CEP128: variants seen among roughly 807,000 people sequenced by gnomAD.
CEP128 encodes the protein centrosomal protein 128.
In CEP128, 132 loss-of-function variants were observed where a neutral mutation model predicts 156.7. The observed-to-expected ratio is 0.84, with a 90% CI of 0.73 to 0.97. The LOEUF (loss-of-function observed/expected upper bound fraction) is 0.97, where lower values mean the gene tolerates loss of function less well. Ranked by LOEUF, CEP128 falls within the 50% of genes least tolerant of loss-of-function variation. CEP128 has a pLI of 0.00. For missense variants in CEP128, 1,252 were observed against 1,281.9 expected (o/e 0.98, Z 0.36); for synonymous variants, 469 against 448.9 (o/e 1.04, Z -0.57).
chr14:80,696,605 G>A (rs889562664), intron 19 of CEP128, among the ~76,000 whole-genome samples: 1 of 152,118 alleles, frequency 6.6e-6, no homozygotes, highest in African/African-American at 2.4e-5. Context: ...AAGCAGCCAT[G>A]GCTATCAAGT....
chr14:80,888,042 A>G (rs1010269007), intron 8 of CEP128, among the ~76,000 whole-genome samples: 1 of 152,216 alleles, frequency 6.6e-6, no homozygotes. Flanking sequence ...AAATGGATAA[A>G]TTCCTGGACA....
intron 9 of CEP128, among the ~76,000 whole-genome samples, chr14:80,848,296 T>C (rs1231424796): frequency 6.6e-6 from 1 of 152,080 alleles, no homozygotes; most frequent in East Asian, 1.9e-4. Flanking sequence ...GAGCAGGAGG[T>C]ACATGGTATA....
At chr14:80,568,198 C>T (rs1890997726) in intron 20 of CEP128, among the ~76,000 whole-genome samples, 1 of 152,094 alleles carries the variant, frequency 6.6e-6, no homozygotes, top group South Asian at 2.1e-4. Flanking sequence ...TCCTTTGTTT[C>T]CCCGAAGGGC....
chr14:80,580,771 T>G (rs966166904), intron 19 of CEP128, among the ~76,000 whole-genome samples: 7 of 152,066 alleles, frequency 4.6e-5, no homozygotes, highest in Non-Finnish European at 8.8e-5. Context: ...CAAAATTTCC[T>G]TTAGAAAAAA....
chr14:80,543,203 T>C (rs1484767511), intron 21 of CEP128, among the ~76,000 whole-genome samples: 2 of 152,242 alleles, frequency 1.3e-5, no homozygotes, highest in Admixed American at 6.5e-5. Context: ...ACTTTCATAA[T>C]TAATCCTTTT....
chr14:80,748,804 C>T (rs997580791), intron 18 of CEP128, among the ~76,000 whole-genome samples: 3 of 151,946 alleles, frequency 2.0e-5, no homozygotes, highest in African/African-American at 7.3e-5. Context: ...ACATGGGTAC[C>T]GACTCAAGCC....
At chr14:80,775,511 A>T (rs1900741324) in intron 16 of CEP128, among the ~76,000 whole-genome samples, 1 of 152,248 alleles carries the variant, frequency 6.6e-6, no homozygotes, top group Non-Finnish European at 1.5e-5. Context: ...ATGCCATTTT[A>T]GGATACAGAG....
chr14:80,631,634 G>A (rs888773618), intron 19 of CEP128, among the ~76,000 whole-genome samples: 9 of 151,992 alleles, frequency 5.9e-5, no homozygotes, highest in South Asian at 2.1e-4. Context: ...GTAACTGACC[G>A]ACAAAGCCTG....
chr14:80,711,571 TG>T (rs1490011992), intron 19 of CEP128, among the ~76,000 whole-genome samples: 1 of 151,980 alleles, frequency 6.6e-6, no homozygotes, highest in Non-Finnish European at 1.5e-5. Flanking sequence ...AAGAGCAGTG[TG>T]GGGGTTGCAG....
At position 80,507,762 on chromosome 14, in the gene CEP128, A is replaced by G. The variant is rs564115406; in HGVS notation, c.3073-2742T>C. ...ACAGATGGTGTAATGGTGGCTTCAA[A>G]ATGCGCCTACCAGAGGAAGGATGAA... On this transcript the variant is annotated intron_variant, in intron 23 of 24. Coordinates refer to ENST00000555265, the MANE Select transcript of CEP128 (RefSeq NM_152446.5). Among the ~76,000 whole-genome samples the G allele has an allele frequency of 2.0e-5, 3 of 152,312 alleles. No individual in the cohort carries two copies. In the East Asian group the frequency reaches 5.8e-4, roughly 29 times the overall value.
intron 19 of CEP128, among the ~76,000 whole-genome samples, chr14:80,683,384 A>G (rs1385988847): frequency 2.6e-5 from 4 of 152,176 alleles, no homozygotes; most frequent in Non-Finnish European, 5.9e-5. Flanking sequence ...GATGGTACAT[A>G]AAGACAAAGG....
In CEP128 at chr14:80,654,000, C is replaced by T. The variant is rs1006538489; in HGVS notation, c.2807-73577G>A. ...GCTACTCACATGTACTAGATAATGA[C>T]GTATAATGTATTTCTTATAGAAGGT... On this transcript the variant is annotated intron_variant, in intron 19 of 24. Coordinates refer to ENST00000555265, the MANE Select transcript of CEP128 (RefSeq NM_152446.5). Among the ~76,000 whole-genome samples, 21 of 151,948 alleles carry T rather than the reference C, an allele frequency of 1.4e-4. No homozygotes were observed. The South Asian group carries it at 2.1e-3, about 15-fold the overall frequency.
intron 2 of CEP128, among the ~76,000 whole-genome samples, chr14:80,923,629 C>G (rs1300813962): frequency 6.6e-6 from 1 of 152,098 alleles, no homozygotes; most frequent in African/African-American, 2.4e-5. Context: ...CTCAGCTGTC[C>G]CTGCCCAAGG....
intron 19 of CEP128, among the ~76,000 whole-genome samples, chr14:80,597,300 C>T (rs1892372504): frequency 6.6e-6 from 1 of 152,088 alleles, no homozygotes; most frequent in South Asian, 2.1e-4. Flanking sequence ...TAAGGGAAGA[C>T]TGCAAACAAC....
At chr14:80,746,276 C>CA (rs1351194872) in intron 18 of CEP128, among the ~76,000 whole-genome samples, 2 of 151,808 alleles carry the variant, frequency 1.3e-5, no homozygotes, top group East Asian at 1.9e-4. Flanking sequence ...CCAAAATAGC[C>CA]AAAAAAAGAT....
At chr14:80,498,721 C>T (rs987002923) in intron 24 of CEP128, among the ~76,000 whole-genome samples, 15 of 152,200 alleles carry the variant, frequency 9.9e-5, no homozygotes, top group Non-Finnish European at 8.8e-5. Context: ...TAGCACCAAT[C>T]ACCATTTTAA....
chr14:80,739,255 G>A lies in CEP128; in HGVS notation c.2806+3820C>T, dbSNP rs574275905. The stretch of plus-strand genomic sequence containing the variant: ...AACACAAAGATTAGACCCAATTACA[G>A]ATGCTAAGAAGCTACCCATCAAAAT... On this transcript the variant is annotated intron_variant, in intron 19 of 24. Coordinates refer to ENST00000555265, the MANE Select transcript of CEP128 (RefSeq NM_152446.5). Among the ~76,000 whole-genome samples, 4 of 152,108 alleles carry A rather than the reference G, an allele frequency of 2.6e-5. No homozygotes were observed. The South Asian group carries it at 8.3e-4, about 32-fold the overall frequency.
intron 19 of CEP128, among the ~76,000 whole-genome samples, chr14:80,691,930 T>C (rs907132299): frequency 5.3e-5 from 8 of 152,182 alleles, no homozygotes; most frequent in Non-Finnish European, 1.0e-4. Flanking sequence ...GATATTTTGA[T>C]AGGATGAAAA....
Position 80,905,963 on chromosome 14 carries a change from G to C in CEP128, c.353C>G (p.Thr118Ser). Reference protein sequence around the residue: ...SLSASDLDGGTGSELHHFPPT... With the variant: ...SLSASDLDGGSGSELHHFPPT... ...ACATTTGAAGTGTTTACCTGACCCA[G>C]TGCCACCATCAAGGTCACTTGCACT... is the stretch of plus-strand genomic sequence containing the variant. Residue 118 changes from threonine (T) to serine (S), a missense_variant, in exon 5 of 25, where the codon ACT (threonine) becomes AGT (serine). Physicochemically the swap from Thr to Ser is moderately conservative, Grantham distance 58. Coordinates refer to ENST00000555265, the MANE Select transcript of CEP128 (RefSeq NM_152446.5). The C allele has an allele frequency of 6.2e-7, 1 of 1,612,204 alleles. No homozygotes were observed. Among genetic ancestry groups the C allele is most frequent in the Non-Finnish European group, 8.5e-7 (1 of 1,179,328 alleles).
Sources: gnomAD v4.1 joint callset for allele counts (sites outside exome capture counted in the v4.1 genomes callset) on GRCh38, gnomAD v4.1.1 for gene constraint, MANE v1.5 for transcripts, NCBI Gene and HGNC (gene_info 2026-07-23, HGNC 2026-07-21) for gene names.